Variants in PCDHGB1 observed in about 807,000 individuals in gnomAD.
PCDHGB1 encodes protocadherin gamma-B1.
PCDHGB1 carries 34 observed loss-of-function variants against 56.6 expected under a neutral mutation model. That is an observed-to-expected ratio of 0.60 (90% confidence interval 0.46 to 0.80). PCDHGB1 has a LOEUF of 0.80. Among genes scored for constraint, PCDHGB1 ranks in the 30% least tolerant of loss-of-function variants. The pLI, the probability that PCDHGB1 is intolerant of heterozygous loss-of-function variation, is 0.00. For synonymous variants in PCDHGB1, 561 were observed against 505.9 expected (o/e 1.11, Z -1.46); for missense variants, 1,278 against 1,204.6 (o/e 1.06, Z -0.90).
Position 141,351,684 on chromosome 5 carries a change from CG to C in PCDHGB1, c.1426del (p.Asp476IlefsTer28). On this transcript the variant is annotated frameshift_variant, in exon 1 of 4. Coordinates refer to ENST00000523390, the MANE Select transcript of PCDHGB1 (RefSeq NM_018922.3). LOFTEE classifies it high-confidence loss of function. ...ASIAQVSASD[P>X]DLGPNGRVSY... ...ATTGCACAAGTAAGCGCCTCCGACC[CG>C]GATTTGGGACCCAACGGCAGAGTCT... 1 of 1,613,988 alleles carries C rather than the reference CG, an allele frequency of 6.2e-7. No homozygotes were observed. Among genetic ancestry groups the C allele is most frequent in the East Asian group, 2.2e-5 (1 of 44,884 alleles).
At chr5:141,354,638 T>C (rs1759597107) in intron 1 of PCDHGB1, among the ~76,000 whole-genome samples, 2 of 152,218 alleles carry the variant, frequency 1.3e-5, no homozygotes, top group South Asian at 4.1e-4. Flanking sequence ...ATCTGTCTCA[T>C]CCATTTTTCA....
chr5:141,413,435 G>T lies in PCDHGB1; in HGVS notation c.2409+60766G>T, dbSNP rs1018097924. 17 of 1,614,004 alleles carry T rather than the reference G, an allele frequency of 1.1e-5. No homozygotes were observed. The African/African-American group carries it at 2.1e-4, about 20-fold the overall frequency. On this transcript the variant is annotated intron_variant, in intron 1 of 3. Coordinates refer to ENST00000523390, the MANE Select transcript of PCDHGB1 (RefSeq NM_018922.3). Reference sequence around the variant, plus strand: ...TTCTCTCTGAACCCGCGCAGCGGCAGCTTGATCACCGCGGGCAGGATAGAC... The same window carrying T: ...TTCTCTCTGAACCCGCGCAGCGGCATCTTGATCACCGCGGGCAGGATAGAC...
chr5:141,354,337 C>A (rs1013818427), intron 1 of PCDHGB1, among the ~76,000 whole-genome samples: 3 of 152,134 alleles, frequency 2.0e-5, no homozygotes, highest in Non-Finnish European at 2.9e-5. Flanking sequence ...AGGTATTGTT[C>A]TAAAGATTGA....
intron 1 of PCDHGB1, among the ~76,000 whole-genome samples, chr5:141,469,340 G>A (rs1412181099): frequency 6.6e-6 from 1 of 152,138 alleles, no homozygotes; most frequent in Non-Finnish European, 1.5e-5. Context: ...ACTTTGGGAG[G>A]CTGAGGTGGA....
rs770401080 is a variant in PCDHGB1, at chr5:141,350,683, G to A, written c.423G>A (p.Glu141=). Residue 141 remains glutamate (E), a synonymous_variant, in exon 1 of 4, where the codon GAG becomes GAA. Transcript: ENST00000523390. The stretch of plus-strand genomic sequence containing the variant: ...AAGGCATTGACTTAGAAATTTGTGA[G>A]TCAGCCTTACCCGGGGTAAAATTCT... The part of the protein sequence containing the change: ...VAKGIDLEIC[E]SALPGVKFSL... The A allele has an allele frequency of 1.0e-4, 166 of 1,613,996 alleles. 3 individuals carry two copies. The South Asian group carries it at 1.8e-3, about 17-fold the overall frequency.
At chr5:141,375,232 C>A in intron 1 of PCDHGB1, 1 of 1,613,986 alleles carries the variant, frequency 6.2e-7, no homozygotes, top group South Asian at 1.1e-5. Context: ...GCCTGGTAAC[C>A]TGTTCCATCC....
chr5:141,498,807 C>T (rs113587634), intron 2 of PCDHGB1, among the ~76,000 whole-genome samples: 5,552 of 152,138 alleles, frequency 0.036, 136 homozygotes, highest in South Asian at 0.073. Context: ...GTGGTGCACA[C>T]CTGTAGTCCC....
chr5:141,405,431 T>C (rs1308544171), intron 1 of PCDHGB1: 18 of 1,490,646 alleles, frequency 1.2e-5, no homozygotes, highest in Non-Finnish European at 1.6e-5. Context: ...TGTTTTGTTT[T>C]GTTTTTGAGA....
chr5:141,404,894 G>C (rs772084097), intron 1 of PCDHGB1: 1 of 1,613,878 alleles, frequency 6.2e-7, no homozygotes, highest in South Asian at 1.1e-5. Flanking sequence ...GGCTGTACAG[G>C]ACCATGGCCA....
chr5:141,492,934 G>A (rs1382515835), intron 1 of PCDHGB1, among the ~76,000 whole-genome samples: 7 of 152,236 alleles, frequency 4.6e-5, no homozygotes, highest in Admixed American at 4.6e-4. Flanking sequence ...TAGGGTCAGA[G>A]ATTTGGAGGT....
At position 141,370,934 on chromosome 5, in the gene PCDHGB1, G is replaced by C. The variant is rs757298448; in HGVS notation, c.2409+18265G>C. The C allele has an allele frequency of 1.2e-6, 2 of 1,613,980 alleles. No homozygotes were observed. Among genetic ancestry groups the C allele is most frequent in the South Asian group, 2.2e-5 (2 of 91,086 alleles). On this transcript the variant is annotated intron_variant, in intron 1 of 3. Coordinates refer to ENST00000523390, the MANE Select transcript of PCDHGB1 (RefSeq NM_018922.3). ...TCAGCCCTGATCCGCACTTCTCTTT[G>C]ATTCAGAAGGAGAACCTGGATGGCA... is the stretch of plus-strand genomic sequence containing the variant.
intron 1 of PCDHGB1, chr5:141,428,734 A>G (rs922346225): frequency 1.9e-5 from 3 of 158,252 alleles, no homozygotes; most frequent in Non-Finnish European, 2.8e-5. Context: ...TAAACATATT[A>G]TATCTACTAT....
chr5:141,405,332 T>C, intron 1 of PCDHGB1: 1 of 1,614,222 alleles, frequency 6.2e-7, no homozygotes, highest in Non-Finnish European at 8.5e-7. Flanking sequence ...TTTGTGCGTC[T>C]CTGTTGATTC....
In PCDHGB1 at chr5:141,455,253, C is replaced by A. The variant is rs187877877; in HGVS notation, c.2410-39554C>A. 2.8e-3 allele frequency among the ~76,000 whole-genome samples: 433 copies of A among 151,986 alleles called. 1 individual carries two copies. Among genetic ancestry groups the A allele is most frequent in the Admixed American group, 0.021 (319 of 15,266 alleles). ...AAAATGTTAAAGGTCATAGTACAAT[C>A]GCATTTCTTCCCATTGATTATTAAC... is the stretch of plus-strand genomic sequence containing the variant. On this transcript the variant is annotated intron_variant, in intron 1 of 3. Coordinates refer to ENST00000523390, the MANE Select transcript of PCDHGB1 (RefSeq NM_018922.3).
At chr5:141,420,006 G>C (rs2096458103) in intron 1 of PCDHGB1, 2 of 1,613,934 alleles carry the variant, frequency 1.2e-6, no homozygotes, top group Admixed American at 3.3e-5. Flanking sequence ...CTACGCCTGC[G>C]ACAGTCTTTC....
At chr5:141,384,960 T>C in intron 1 of PCDHGB1, 4 of 1,613,970 alleles carry the variant, frequency 2.5e-6, no homozygotes, top group Non-Finnish European at 3.4e-6. Flanking sequence ...CTTACAACTA[T>C]GACCTCACGT....
At chr5:141,470,182 G>A (rs540599468) in intron 1 of PCDHGB1, among the ~76,000 whole-genome samples, 1 of 152,262 alleles carries the variant, frequency 6.6e-6, no homozygotes, top group Non-Finnish European at 1.5e-5. Context: ...AAATATTCAA[G>A]TAAACTTCAG....
At position 141,352,164 on chromosome 5, in the gene PCDHGB1, G is replaced by T. The variant is rs775400971; in HGVS notation, c.1904G>T (p.Arg635Leu). ...ARALGDRDAA[R>L]QRLLVAVRDG... ...GCCTTGGGCGACAGGGACGCGGCCC[G>T]CCAGCGCCTGCTGGTCGCTGTGCGT... Residue 635 changes from arginine (R) to leucine (L), a missense_variant, in exon 1 of 4, where the codon CGC becomes CTC. Physicochemically the swap from Arg to Leu is moderately radical, Grantham distance 102. Transcript: ENST00000523390. 19 of 1,613,058 alleles carry T rather than the reference G, an allele frequency of 1.2e-5. No homozygotes were observed. In the African/African-American group the frequency reaches 2.5e-4, roughly 22 times the overall value.
intron 1 of PCDHGB1, chr5:141,430,655 G>T (rs1309165721): frequency 1.6e-5 from 17 of 1,084,938 alleles, no homozygotes; most frequent in Non-Finnish European, 2.2e-5. Flanking sequence ...TGGAAACAAC[G>T]GAGGAGCTCT....
Sources: allele counts gnomAD v4.1 joint callset (sites outside exome capture counted in the v4.1 genomes callset), GRCh38; gene constraint gnomAD v4.1.1; transcripts MANE v1.5; gene names NCBI Gene and HGNC (gene_info 2026-07-23, HGNC 2026-07-21).